The following TBC1D30 variants were observed in gnomAD, a reference collection of about 807,000 sequenced individuals.
TBC1D30 encodes the protein TBC1 domain family, member 30.
Under a neutral mutation model 63.2 loss-of-function variants are expected in TBC1D30, and 31 were observed. The ratio of observed to expected loss-of-function variants is 0.49; its 90% CI spans 0.37 to 0.66. The LOEUF (loss-of-function observed/expected upper bound fraction) is 0.66, where lower values mean the gene tolerates loss of function less well. Ranked by LOEUF, TBC1D30 falls within the 30% of genes least tolerant of loss-of-function variation. The pLI, the probability that TBC1D30 is intolerant of heterozygous loss-of-function variation, is 0.00. For missense variants in TBC1D30, 810 were observed against 953.6 expected, an observed-to-expected ratio of 0.85 and a Z score of 1.98; for synonymous variants, 307 against 361.5, an observed-to-expected ratio of 0.85 and a Z score of 1.71.
At position 64,824,885 on chromosome 12, in the gene TBC1D30, G is replaced by C; in HGVS notation, c.6G>C (p.Arg2=). The change falls in exon 1 of 12, where the codon CGG becomes CGC. Residue 2 remains arginine, a synonymous_variant. Transcript: ENST00000539867. ...AGAGCCCGGGGCGCTCTCGGATGCG[G>C]CAGGACAAGCTGACCGGGTCTCTGA... The part of the protein sequence containing the change: M[R]QDKLTGSLRR... The C allele has an allele frequency of 6.5e-7, 1 of 1,533,456 alleles. No homozygotes were observed. The highest frequency in any genetic ancestry group is 8.7e-7 in the Non-Finnish European group (1 of 1,146,266). 95.0% of individuals were successfully genotyped at this position (1,533,456 alleles called of 1,614,324 possible). A position where few individuals can be genotyped will look rare whatever the true frequency, so the allele number is the denominator to read the frequency against.
intron 1 of TBC1D30, among the ~76,000 whole-genome samples, chr12:64,764,966 C>T (rs1395160236): frequency 6.6e-6 from 1 of 152,304 alleles, no homozygotes; most frequent in Non-Finnish European, 1.5e-5. Context: ...ATCAGGAGCA[C>T]TCCTTAGGAA....
intron 1 of TBC1D30, among the ~76,000 whole-genome samples, chr12:64,765,160 A>G (rs12811078): frequency 2.0e-5 from 3 of 152,206 alleles, no homozygotes; most frequent in Admixed American, 2.0e-4. Context: ...TAGATATTCA[A>G]CAATATGAAA....
At chr12:64,780,944 C>A in exon 1 of TBC1D30, 1 of 1,055,130 alleles carries the variant, frequency 9.5e-7, no homozygotes, top group Non-Finnish European at 1.2e-6. Flanking sequence ...CCCGCGCCTC[C>A]GGGGAGCGGC....
At chr12:64,791,416 G>A (rs576411777) in intron 2 of TBC1D30, among the ~76,000 whole-genome samples, 1 of 152,296 alleles carries the variant, frequency 6.6e-6, no homozygotes, top group East Asian at 1.9e-4. Flanking sequence ...TATACCCATG[G>A]AAGCTTTGGA....
intron 5 of TBC1D30, 151 bp from the exon 6 acceptor site, chr12:64,836,339 G>A (rs1875348777): frequency 1.7e-6 from 1 of 597,322 alleles, no homozygotes; most frequent in Admixed American, 3.0e-5. Context: ...GGAGAGCCTT[G>A]TAAATCTGGA....
intron 9 of TBC1D30, 116 bp from the exon 10 acceptor site, chr12:64,866,648 T>C: frequency 9.8e-7 from 1 of 1,022,642 alleles, no homozygotes; most frequent in Non-Finnish European, 1.4e-6. Context: ...CAATGTTAAT[T>C]ATATGTAATT....
At chr12:64,786,252 A>G (rs1274491051) in intron 2 of TBC1D30, among the ~76,000 whole-genome samples, 1 of 152,236 alleles carries the variant, frequency 6.6e-6, no homozygotes, top group Non-Finnish European at 1.5e-5. Flanking sequence ...CCTTAGATTT[A>G]TTATTCTAGA....
intron 11 of TBC1D30, among the ~76,000 whole-genome samples, chr12:64,874,656 T>G (rs1011479287): frequency 2.6e-5 from 4 of 152,192 alleles, no homozygotes; most frequent in African/African-American, 9.7e-5. Flanking sequence ...GCAAAGATTT[T>G]TCTAAGTACA....
At chr12:64,764,776 C>T (rs902906865) in intron 1 of TBC1D30, among the ~76,000 whole-genome samples, 1 of 152,212 alleles carries the variant, frequency 6.6e-6, no homozygotes, top group Non-Finnish European at 1.5e-5. Context: ...TTTAAAAGCT[C>T]CATAAGTTTG....
chr12:64,849,556 C>T (rs1312312475), intron 8 of TBC1D30, among the ~76,000 whole-genome samples: 1 of 152,154 alleles, frequency 6.6e-6, no homozygotes, highest in Non-Finnish European at 1.5e-5. Context: ...TCGTTTGTGT[C>T]AGGTTTTTCA....
chr12:64,809,195 G>T (rs1416807885), intron 2 of TBC1D30, among the ~76,000 whole-genome samples: 1 of 152,106 alleles, frequency 6.6e-6, no homozygotes, highest in East Asian at 1.9e-4. Context: ...TGATGTACCG[G>T]TCACTGAAAC....
rs761294139 is a variant in TBC1D30 at position 64,870,597 on chromosome 12, C to T, written c.1292-5C>T. The stretch of plus-strand genomic sequence containing the variant: ...ATCTCCTTATGTCTCATCCTTCGAG[C>T]GCAGAGCCAAATGAGGAGCAGAGTC... On this transcript the variant is annotated splice_polypyrimidine_tract_variant and splice_region_variant and intron_variant, in intron 10 of 11. Transcript: ENST00000539867. 1.1e-5 allele frequency: 17 copies of T among 1,535,766 alleles called. No homozygotes were observed. In the South Asian group the frequency reaches 1.3e-4, roughly 12 times the overall value.
rs985115951 is a variant in TBC1D30, at chr12:64,801,394, G to C, written c.643+15349G>C. ...AAAGCAAGAGAGGCAGGTGGGGTAG[G>C]CTTAGCGCTTATGAACAACAGTACA... On this transcript the variant is annotated intron_variant, in intron 2 of 12. Transcript: ENST00000542120. Among the ~76,000 whole-genome samples the C allele has an allele frequency of 1.3e-4, 20 of 152,168 alleles. 1 individual carries two copies. The highest frequency in any genetic ancestry group is 4.4e-5 in the Non-Finnish European group (3 of 68,034).
At chr12:64,813,325 G>A (rs1873328894) in intron 2 of TBC1D30, among the ~76,000 whole-genome samples, 1 of 152,118 alleles carries the variant, frequency 6.6e-6, no homozygotes, top group Admixed American at 6.5e-5. Context: ...GGGAGGTGGA[G>A]GTTGCAGTGA....
chr12:64,807,697 C>A (rs1872950199), intron 2 of TBC1D30, among the ~76,000 whole-genome samples: 1 of 152,064 alleles, frequency 6.6e-6, no homozygotes, highest in Admixed American at 6.6e-5. Context: ...CATCCTTTCC[C>A]AAACTGGTTT....
rs959286216 is a variant in TBC1D30 at position 64,878,150 on chromosome 12, T to C, written c.*2362T>C. 1.4e-5 allele frequency: 3 copies of C among 216,080 alleles called. No homozygotes were observed. The highest frequency in any genetic ancestry group is 2.9e-5 in the Non-Finnish European group (3 of 104,534). The allele number at this position is 216,080 out of a possible 1,614,324, so 13.4% of individuals were successfully genotyped here. On this transcript the variant is annotated 3_prime_UTR_variant, in exon 12 of 12. Coordinates refer to ENST00000539867, the MANE Select transcript of TBC1D30 (RefSeq NM_015279.2). ...TAGTCCTCTGAGGTAAAAATGGCCTTGTCAGAATTTTGAAAATCCAACAGA... is the reference window on the plus strand; with the variant it reads ...TAGTCCTCTGAGGTAAAAATGGCCTCGTCAGAATTTTGAAAATCCAACAGA...
intron 1 of TBC1D30, among the ~76,000 whole-genome samples, chr12:64,775,112 T>TATATAG (rs1187100234): frequency 2.3e-4 from 35 of 149,782 alleles, no homozygotes; most frequent in African/African-American, 6.4e-4. Context: ...AAAATATATA[T>TATATAG]ATATAGATAT....
At chr12:64,816,601 G>A (rs1873554068) in intron 2 of TBC1D30, among the ~76,000 whole-genome samples, 1 of 152,162 alleles carries the variant, frequency 6.6e-6, no homozygotes, top group South Asian at 2.1e-4. Context: ...TTGCTAGTCT[G>A]GCCTCACCTC....
intron 5 of TBC1D30, among the ~76,000 whole-genome samples, chr12:64,834,061 A>G (rs1875108998): frequency 6.6e-6 from 1 of 152,224 alleles, no homozygotes; most frequent in Non-Finnish European, 1.5e-5. Context: ...AATATGGATT[A>G]GATAAAGATG....
Sources: gnomAD v4.1 joint callset for allele counts (sites outside exome capture counted in the v4.1 genomes callset) on GRCh38, gnomAD v4.1.1 for gene constraint, MANE v1.5 for transcripts, NCBI Gene and HGNC (gene_info 2026-07-23, HGNC 2026-07-21) for gene names.